FRMPD4: variants seen among roughly 807,000 people sequenced by gnomAD.
FRMPD4 encodes the protein FERM and PDZ domain containing 4.
In FRMPD4, 22 loss-of-function variants were observed where a neutral mutation model predicts 94.1. The observed-to-expected ratio is 0.23, with a 90% CI of 0.17 to 0.33. FRMPD4 has a LOEUF of 0.33. Among genes scored for constraint, FRMPD4 ranks in the 10% least tolerant of loss-of-function variants. The pLI, the probability that FRMPD4 is intolerant of heterozygous loss-of-function variation, is 1.00. For missense variants in FRMPD4, 1,111 were observed against 1,339.9 expected, an observed-to-expected ratio of 0.83 and a Z score of 2.67; for synonymous variants, 631 against 548.6, an observed-to-expected ratio of 1.15 and a Z score of -2.10.
chrX:12,518,614 C>T (rs752526698), intron 2 of FRMPD4, among the ~76,000 whole-genome samples: 1 of 111,860 alleles, frequency 8.9e-6, no homozygotes, highest in Admixed American at 9.4e-5. Flanking sequence ...ACATTATACT[C>T]AATGCTGAAA....
intron 3 of FRMPD4, among the ~76,000 whole-genome samples, chrX:12,081,456 G>A (rs1055303902): frequency 3.6e-5 from 4 of 110,668 alleles, no homozygotes; most frequent in African/African-American, 1.3e-4. Context: ...TCTTTTTTAT[G>A]ACTTCTTTCT....
intron 3 of FRMPD4, among the ~76,000 whole-genome samples, chrX:12,082,218 C>T (rs900474328): frequency 3.6e-5 from 4 of 111,502 alleles, no homozygotes; most frequent in African/African-American, 1.3e-4. Context: ...TTGTATCTCC[C>T]AGAATTTCCA....
intron 3 of FRMPD4, among the ~76,000 whole-genome samples, chrX:12,104,848 GAGTAAGTGGCAGAC>G (rs1362674469): frequency 2.0e-4 from 5 of 24,675 alleles, no homozygotes; most frequent in Non-Finnish European, 8.4e-4. Context: ...AGACAACACC[GAGTAAGTGGCAGAC>G]CTTGGGACTT....
chrX:12,291,199 T>G (rs936581410), intron 1 of FRMPD4, among the ~76,000 whole-genome samples: 2 of 112,573 alleles, frequency 1.8e-5, no homozygotes, highest in Non-Finnish European at 3.8e-5. Flanking sequence ...AAGGCCAGTT[T>G]TTGATCTTCA....
chrX:12,071,457 T>G (rs1394857013), intron 3 of FRMPD4, among the ~76,000 whole-genome samples: 1 of 111,980 alleles, frequency 8.9e-6, no homozygotes, highest in Non-Finnish European at 1.9e-5. Flanking sequence ...TTTGCAGAAA[T>G]TCTTCTTTAA....
At chrX:12,243,083 T>C in intron 1 of FRMPD4, among the ~76,000 whole-genome samples, 1 of 112,168 alleles carries the variant, frequency 8.9e-6, no homozygotes, top group Admixed American at 9.4e-5. Flanking sequence ...GATCTCTCTA[T>C]GTTACCCAGG....
chrX:12,671,434 A>G (rs2059841800), intron 4 of FRMPD4, among the ~76,000 whole-genome samples: 1 of 111,413 alleles, frequency 9.0e-6, no homozygotes, highest in Non-Finnish European at 1.9e-5. Context: ...TGTCCTTTGC[A>G]GGGACATGGA....
intron 3 of FRMPD4, among the ~76,000 whole-genome samples, chrX:12,051,814 A>G (rs963341331): frequency 9.0e-6 from 1 of 111,107 alleles, no homozygotes; most frequent in Non-Finnish European, 1.9e-5. Context: ...GGGTGGTTGA[A>G]GTGATGACAA....
chrX:12,680,726 A>G (rs2059962714), intron 5 of FRMPD4, among the ~76,000 whole-genome samples: 1 of 111,838 alleles, frequency 8.9e-6, no homozygotes, highest in Non-Finnish European at 1.9e-5. Flanking sequence ...GTCTTCCTAA[A>G]TTACCATGTT....
chrX:12,682,358 C>A (rs2059981356), intron 5 of FRMPD4, among the ~76,000 whole-genome samples: 1 of 111,983 alleles, frequency 8.9e-6, no homozygotes, highest in Non-Finnish European at 1.9e-5. Context: ...GAGGGTTAAG[C>A]CTCTGTGTTG....
chrX:12,505,371 G>A (rs1033943745), intron 2 of FRMPD4, among the ~76,000 whole-genome samples: 3 of 111,531 alleles, frequency 2.7e-5, no homozygotes, highest in Non-Finnish European at 3.8e-5. Flanking sequence ...CTGAGCTTAA[G>A]AGGACATGGA....
intron 3 of FRMPD4, among the ~76,000 whole-genome samples, chrX:12,013,873 C>A (rs2054592446): frequency 8.8e-6 from 1 of 113,026 alleles, no homozygotes; most frequent in South Asian, 3.6e-4. Flanking sequence ...ATTCTTTAAG[C>A]CCATTATGTA....
At chrX:11,886,521 A>T (rs1055823947) in intron 3 of FRMPD4, among the ~76,000 whole-genome samples, 6 of 111,623 alleles carry the variant, frequency 5.4e-5, no homozygotes, top group Non-Finnish European at 1.1e-4. Context: ...GCTCACTCTC[A>T]GGTACAGATT....
intron 2 of FRMPD4, among the ~76,000 whole-genome samples, chrX:12,533,245 G>A (rs1351072182): frequency 8.9e-6 from 1 of 112,229 alleles, no homozygotes; most frequent in African/African-American, 3.2e-5. Flanking sequence ...GCCACCACGT[G>A]AGACCTGCCT....
chrX:12,231,002 A>ATTAT (rs1555938178), intron 1 of FRMPD4, among the ~76,000 whole-genome samples: 2 of 50,742 alleles, frequency 3.9e-5, no homozygotes, highest in African/African-American at 7.1e-5. Context: ...TAGTATATAT[A>ATTAT]ATATATAGTA....
chrX:12,064,367 C>A (rs566921787), intron 3 of FRMPD4, among the ~76,000 whole-genome samples: 1 of 111,860 alleles, frequency 8.9e-6, no homozygotes, highest in South Asian at 3.7e-4. Flanking sequence ...GGGGAAAATT[C>A]ATGAGAGAGT....
chrX:12,240,258 G>T (rs1171154631), intron 1 of FRMPD4, among the ~76,000 whole-genome samples: 3 of 112,016 alleles, frequency 2.7e-5, no homozygotes, highest in Non-Finnish European at 5.6e-5. Flanking sequence ...AAAAAGTTTG[G>T]CAACCTCTAT....
chrX:12,702,906 C>T (rs887991155), intron 10 of FRMPD4, among the ~76,000 whole-genome samples: 1 of 112,565 alleles, frequency 8.9e-6, no homozygotes, highest in African/African-American at 3.2e-5. Flanking sequence ...AAAGAGATCT[C>T]GTGCTCAGCT....
chrX:12,066,994 C>A (rs760698956), intron 3 of FRMPD4, among the ~76,000 whole-genome samples: 61 of 109,435 alleles, frequency 5.6e-4, no homozygotes, highest in Non-Finnish European at 9.5e-4. Flanking sequence ...CTCAGCCTCC[C>A]AAGTAGCTGG....
Sources: gnomAD v4.1 joint callset for allele counts (sites outside exome capture counted in the v4.1 genomes callset) on GRCh38, gnomAD v4.1.1 for gene constraint, MANE v1.5 for transcripts, NCBI Gene and HGNC (gene_info 2026-07-23, HGNC 2026-07-21) for gene names.